The following ADAMTS18 variants were observed in gnomAD, a reference collection of about 807,000 sequenced individuals.
ADAMTS18 encodes the protein ADAM metallopeptidase with thrombospondin type 1 motif 18, also known as A disintegrin and metalloproteinase with thrombospondin motifs 18.
A neutral mutation model predicts 165.9 loss-of-function variants in ADAMTS18; 157 were observed. The observed-to-expected ratio is 0.95, with a 90% confidence interval of 0.83 to 1.08. The LOEUF (loss-of-function observed/expected upper bound fraction) is 1.08, where lower values mean the gene tolerates loss of function less well. Ranked by LOEUF, ADAMTS18 falls within the 50% of genes least tolerant of loss-of-function variation. The probability of loss-of-function intolerance (pLI) is 0.00; values close to 1 mark genes in which losing one functional copy is unlikely to be tolerated. For missense variants in ADAMTS18, 2,040 were observed against 1,534.0 expected (o/e 1.33, Z -5.51); for synonymous variants, 782 against 578.2 (o/e 1.35, Z -5.06).
chr16:77,309,383 C>A (rs1477812225), intron 16 of ADAMTS18, among the ~76,000 whole-genome samples: 1 of 152,102 alleles, frequency 6.6e-6, no homozygotes, highest in African/African-American at 2.4e-5. Flanking sequence ...TCATACAAAT[C>A]CTTGATTACC....
At chr16:77,404,856 G>T (rs1287599896) in intron 3 of ADAMTS18, among the ~76,000 whole-genome samples, 29 of 152,246 alleles carry the variant, frequency 1.9e-4, no homozygotes, top group Non-Finnish European at 7.4e-5. Context: ...TAACTGCAGT[G>T]CAGCATGATG....
intron 3 of ADAMTS18, among the ~76,000 whole-genome samples, chr16:77,402,541 C>T (rs1251507207): frequency 6.6e-6 from 1 of 152,202 alleles, no homozygotes; most frequent in South Asian, 2.1e-4. Flanking sequence ...GCCGAGATCA[C>T]TAATGGGGAT....
intron 21 of ADAMTS18, chr16:77,290,606 G>A (rs1400082545): frequency 6.4e-6 from 1 of 155,434 alleles, no homozygotes. Flanking sequence ...TGGTGAGGTG[G>A]GGAGCACCCG....
Position 77,364,292 on chromosome 16 carries a change from G to A in ADAMTS18, c.868C>T (p.Gln290Ter). 1 of 1,613,888 alleles carries A rather than the reference G, an allele frequency of 6.2e-7. No individual in the cohort carries two copies. Among genetic ancestry groups the A allele is most frequent in the Non-Finnish European group, 8.5e-7 (1 of 1,180,000 alleles). Reference protein sequence around the residue: ...GRPRRSAGKSQKGLNVETLVV... With the variant: ...GRPRRSAGKS Reference sequence around the variant, plus strand: ...AGGGTTTCCACATTGAGGCCCTTTTGTGATTTTCCAGCTGATCTTCTGGGT... The same window carrying A: ...AGGGTTTCCACATTGAGGCCCTTTTATGATTTTCCAGCTGATCTTCTGGGT... Residue 290 changes from glutamine (Q) to a stop codon, truncating the protein, a stop_gained, in exon 5 of 23, where the codon CAA becomes TAA. Transcript: ENST00000282849. LOFTEE classifies it high-confidence loss of function.
At chr16:77,392,243 T>C (rs1216621094) in intron 3 of ADAMTS18, among the ~76,000 whole-genome samples, 4 of 152,192 alleles carry the variant, frequency 2.6e-5, no homozygotes, top group African/African-American at 9.6e-5. Context: ...GGCCAAGTAG[T>C]GGTGTCACGC....
At chr16:77,285,661 T>TC (rs2055235858) in intron 22 of ADAMTS18, among the ~76,000 whole-genome samples, 1 of 152,240 alleles carries the variant, frequency 6.6e-6, no homozygotes, top group African/African-American at 2.4e-5. Flanking sequence ...TCTGTCAGTA[T>TC]AAGTGCTTTT....
At chr16:77,324,538 T>C (rs575922015) in intron 13 of ADAMTS18, among the ~76,000 whole-genome samples, 2 of 152,334 alleles carry the variant, frequency 1.3e-5, no homozygotes, top group East Asian at 3.9e-4. Context: ...TTAGTCCTTG[T>C]GGAACCTAAA....
At chr16:77,406,989 C>T (rs2057401063) in intron 3 of ADAMTS18, among the ~76,000 whole-genome samples, 1 of 151,988 alleles carries the variant, frequency 6.6e-6, no homozygotes, top group African/African-American at 2.4e-5. Context: ...CTATTGGGTA[C>T]TCTGCTCACT....
chr16:77,334,148 T>C (rs1339781160), intron 12 of ADAMTS18, among the ~76,000 whole-genome samples: 3 of 105,332 alleles, frequency 2.8e-5, no homozygotes, highest in African/African-American at 3.9e-5. Flanking sequence ...TTATATATTA[T>C]ATATAATATA....
At chr16:77,400,430 GTGTGTGTGTGTGTGTGTGTGTGTGTC>G (rs2057311326) in intron 3 of ADAMTS18, among the ~76,000 whole-genome samples, 3 of 76,088 alleles carry the variant, frequency 3.9e-5, no homozygotes, top group South Asian at 7.5e-4. Flanking sequence ...GGAATTGTGT[GTGTGTGTGTGTGTGTGTGTGTGTGTC>G]TGTGTGTGTG....
chr16:77,284,147 G>C (rs1328176981), intron 22 of ADAMTS18, 76 bp from the exon 23 acceptor site: 1 of 923,544 alleles, frequency 1.1e-6, no homozygotes, highest in South Asian at 1.3e-5. Context: ...TTGAGATGGA[G>C]TCTCACTCTG....
chr16:77,369,034 C>G (rs977423131), intron 3 of ADAMTS18, among the ~76,000 whole-genome samples: 18 of 152,322 alleles, frequency 1.2e-4, no homozygotes, highest in African/African-American at 4.1e-4. Flanking sequence ...ACCCAAGACC[C>G]TGCTGGGGAA....
chr16:77,305,142 G>A (rs2055659220), intron 16 of ADAMTS18, among the ~76,000 whole-genome samples: 1 of 152,074 alleles, frequency 6.6e-6, no homozygotes, highest in Non-Finnish European at 1.5e-5. Context: ...TAAAAGATAA[G>A]TATGTGCCAA....
chr16:77,355,658 A>C (rs1432353408), intron 9 of ADAMTS18, among the ~76,000 whole-genome samples: 6 of 152,170 alleles, frequency 3.9e-5, no homozygotes, highest in Admixed American at 3.9e-4. Flanking sequence ...TATGCAACAC[A>C]ATTAACCTAA....
At chr16:77,430,237 G>C (rs2057722615) in intron 3 of ADAMTS18, among the ~76,000 whole-genome samples, 1 of 152,188 alleles carries the variant, frequency 6.6e-6, no homozygotes, top group African/African-American at 2.4e-5. Flanking sequence ...TAATATATAG[G>C]TCAATGGTGA....
At chr16:77,288,760 A>G (rs2055304490) in intron 22 of ADAMTS18, among the ~76,000 whole-genome samples, 1 of 152,114 alleles carries the variant, frequency 6.6e-6, no homozygotes, top group African/African-American at 2.4e-5. Flanking sequence ...TCAAATTAAT[A>G]ATGGTTAAAA....
At chr16:77,397,821 A>G (rs1442217651) in intron 3 of ADAMTS18, among the ~76,000 whole-genome samples, 2 of 152,178 alleles carry the variant, frequency 1.3e-5, no homozygotes, top group African/African-American at 4.8e-5. Context: ...TTGGACCTTG[A>G]TCCTGAAAAA....
At chr16:77,289,712 T>A (rs1253748482) in intron 21 of ADAMTS18, among the ~76,000 whole-genome samples, 1 of 152,162 alleles carries the variant, frequency 6.6e-6, no homozygotes, top group Admixed American at 6.6e-5. Context: ...GCTCTAAGAA[T>A]GCAGAAACAA....
chr16:77,292,701 G>C (rs1018539742), intron 20 of ADAMTS18, among the ~76,000 whole-genome samples: 2 of 152,212 alleles, frequency 1.3e-5, no homozygotes, highest in African/African-American at 4.8e-5. Context: ...GCAATGTTTC[G>C]TGAAGAAATC....
Sources: gnomAD v4.1 joint callset for allele counts (sites outside exome capture counted in the v4.1 genomes callset) on GRCh38, gnomAD v4.1.1 for gene constraint, MANE v1.5 for transcripts, NCBI Gene and HGNC (gene_info 2026-07-23, HGNC 2026-07-21) for gene names.